Variants in ZNF185 observed in about 807,000 individuals in gnomAD.
ZNF185 encodes zinc finger protein 185.
Under a neutral mutation model 58.6 loss-of-function variants are expected in ZNF185, and 56 were observed. The ratio of observed to expected loss-of-function variants is 0.95; its 90% confidence interval spans 0.77 to 1.19. The LOEUF (loss-of-function observed/expected upper bound fraction) is 1.19, where lower values mean the gene tolerates loss of function less well. Ranked by LOEUF, ZNF185 falls within the 50% of genes most tolerant of loss-of-function variation. The probability of loss-of-function intolerance (pLI) is 0.00; values close to 1 mark genes in which losing one functional copy is unlikely to be tolerated. For synonymous variants in ZNF185, 230 were observed against 215.9 expected (o/e 1.07, Z -0.57); for missense variants, 627 against 573.5 (o/e 1.09, Z -0.95).
chrX:152,961,116 G>A (rs782171621), intron 17 of ZNF185, among the ~76,000 whole-genome samples: 2 of 112,009 alleles, frequency 1.8e-5, no homozygotes, highest in Non-Finnish European at 3.8e-5. Context: ...TGATCTCTGT[G>A]CTCTCTCTGT....
exon 11 of ZNF185, chrX:152,922,736 A>G (rs1556870342): frequency 8.3e-7 from 1 of 1,200,177 alleles, no homozygotes; most frequent in East Asian, 3.0e-5. Context: ...TGGAGGCAGG[A>G]CCAAAGCGTC....
intron 11 of ZNF185, among the ~76,000 whole-genome samples, chrX:152,926,196 T>C (rs1369951685): frequency 1.8e-5 from 2 of 112,285 alleles, no homozygotes; most frequent in Admixed American, 1.9e-4. Context: ...AGACTGACTG[T>C]GTGACCTTGA....
At chrX:152,922,776 G>A (rs1264314102) in exon 11 of ZNF185, 1 of 1,198,701 alleles carries the variant, frequency 8.3e-7, no homozygotes, top group Non-Finnish European at 1.1e-6. Context: ...TGCCTGCCAA[G>A]TATGCCTAGC....
At chrX:152,904,209 G>A in the ZNF185 span, among the ~76,000 whole-genome samples, 1 of 112,194 alleles carries the variant, frequency 8.9e-6, no homozygotes, top group Non-Finnish European at 1.9e-5. Context: ...CTGGCAAGAG[G>A]GGCCCAGCCT....
chrX:152,967,105 T>C, intron 19 of ZNF185, 62 bp from the exon 22 acceptor site: 1 of 1,065,125 alleles, frequency 9.4e-7, no homozygotes, highest in Non-Finnish European at 1.3e-6. Context: ...ATTAGAAAAT[T>C]AACTATGATA....
chrX:152,945,144 C>T lies in ZNF185; in HGVS notation c.1212-123C>T, dbSNP rs1445377023. On this transcript the variant is annotated intron_variant, in intron 15 of 22. Coordinates refer to ENST00000449285, the Ensembl canonical transcript of ZNF185. The stretch of plus-strand genomic sequence containing the variant: ...TGGGGCTGTGCCTGGCTCCTTTCTG[C>T]CCCGCTTTCAGGGATATGAGTCCCT... 7.6e-6 allele frequency: 6 copies of T among 792,372 alleles called. No individual in the cohort carries two copies. In the East Asian group the frequency reaches 1.4e-4, roughly 18 times the overall value. The allele number at this position is 792,372 out of a possible 1,213,427, so 65.3% of individuals were successfully genotyped here.
At chrX:152,922,088 C>A in intron 9 of ZNF185, 85 bp from the exon 11 acceptor site, 1 of 1,004,871 alleles carries the variant, frequency 1.0e-6, no homozygotes, top group Non-Finnish European at 1.4e-6. Flanking sequence ...GTCAGTTAGA[C>A]GCCACTGGAA....
intron 17 of ZNF185, among the ~76,000 whole-genome samples, chrX:152,963,398 C>G (rs2049755260): frequency 8.9e-6 from 1 of 112,697 alleles, no homozygotes; most frequent in South Asian, 3.7e-4. Flanking sequence ...TCCTCTGCCC[C>G]TTGGCCTTGT....
At chrX:152,963,119 A>G (rs2049712181) in intron 17 of ZNF185, among the ~76,000 whole-genome samples, 1 of 113,070 alleles carries the variant, frequency 8.8e-6, no homozygotes, top group Admixed American at 9.3e-5. Flanking sequence ...GGTGCTGCCC[A>G]ACATCGTGCC....
chrX:152,941,973 C>T lies in ZNF185; in HGVS notation c.1212-3294C>T, dbSNP rs1166631176. 9.4e-6 allele frequency: 8 copies of T among 849,407 alleles called. No individual in the cohort carries two copies. In the African/African-American group the frequency reaches 1.3e-4, roughly 14 times the overall value. The allele number at this position is 849,407 out of a possible 1,213,427, so 70.0% of individuals were successfully genotyped here. On this transcript the variant is annotated intron_variant, in intron 15 of 22. Transcript: ENST00000449285. ...TTCGCAGGGAGCCCTGGGGCCATGGCCTCTGGGACACTGGACACGGGTCGT... is the reference window on the plus strand; with the variant it reads ...TTCGCAGGGAGCCCTGGGGCCATGGTCTCTGGGACACTGGACACGGGTCGT...
exon 23 of ZNF185, chrX:152,971,277 C>A (rs1268132495): frequency 9.1e-6 from 1 of 110,478 alleles, no homozygotes; most frequent in Non-Finnish European, 1.9e-5. Context: ...CTTTTAGCGA[C>A]CCCCCACCGC....
At chrX:152,963,920 C>A in exon 18 of ZNF185, 1 of 1,211,669 alleles carries the variant, frequency 8.3e-7, no homozygotes, top group South Asian at 1.8e-5. Context: ...TTCCAGCCCC[C>A]GCAAGTGAAT....
At chrX:152,969,161 A>C (rs1333927748) in intron 20 of ZNF185, among the ~76,000 whole-genome samples, 2 of 112,212 alleles carry the variant, frequency 1.8e-5, no homozygotes, top group African/African-American at 6.5e-5. Flanking sequence ...GTGAGCTGGA[A>C]AAAGATGCAT....
intron 15 of ZNF185, among the ~76,000 whole-genome samples, chrX:152,942,353 C>T (rs2125717072): frequency 8.9e-6 from 1 of 111,817 alleles, no homozygotes; most frequent in African/African-American, 3.2e-5. Context: ...AGCTCTGTCA[C>T]TTACAAGCAC....
At chrX:152,927,648 C>A (rs782410865) in intron 11 of ZNF185, among the ~76,000 whole-genome samples, 1 of 111,971 alleles carries the variant, frequency 8.9e-6, no homozygotes, top group African/African-American at 3.2e-5. Flanking sequence ...TGGCCTGGGT[C>A]GGGCTATGCC....
At chrX:152,944,277 T>A (rs2047549558) in intron 15 of ZNF185, among the ~76,000 whole-genome samples, 1 of 112,571 alleles carries the variant, frequency 8.9e-6, no homozygotes, top group Non-Finnish European at 1.9e-5. Flanking sequence ...CTAGACAAAG[T>A]TAACTCCTAT....
At chrX:152,899,297 G>T in the ZNF185 span, among the ~76,000 whole-genome samples, 1 of 112,677 alleles carries the variant, frequency 8.9e-6, no homozygotes, top group Non-Finnish European at 1.9e-5. Context: ...AGGTTGATAG[G>T]CCTGAACAGA....
At chrX:152,939,081 G>C (rs1415109212) in intron 15 of ZNF185, among the ~76,000 whole-genome samples, 1 of 111,902 alleles carries the variant, frequency 8.9e-6, no homozygotes, top group Admixed American at 9.4e-5. Flanking sequence ...GGTAAGCCAT[G>C]GTTAAGAGAT....
chrX:152,907,770 C>T, the ZNF185 span, among the ~76,000 whole-genome samples: 57 of 112,698 alleles, frequency 5.1e-4, no homozygotes, highest in Non-Finnish European at 8.3e-4. Flanking sequence ...TGTGGGGCTT[C>T]GGGGGTGCAC....
Sources: gnomAD v4.1 joint callset for allele counts (sites outside exome capture counted in the v4.1 genomes callset) on GRCh38, gnomAD v4.1.1 for gene constraint, MANE v1.5 for transcripts, NCBI Gene and HGNC (gene_info 2026-07-23, HGNC 2026-07-21) for gene names.